The following RBFOX1 variants were observed in gnomAD, a reference collection of about 807,000 sequenced individuals.
RBFOX1 encodes RNA binding protein fox-1 homolog 1.
In RBFOX1, 8 loss-of-function variants were observed where a neutral mutation model predicts 57.7. The ratio of observed to expected loss-of-function variants is 0.14; its 90% CI spans 0.08 to 0.25. RBFOX1 has a LOEUF of 0.25. Ranked by LOEUF, RBFOX1 falls within the 10% of genes least tolerant of loss-of-function variation. RBFOX1 has a pLI of 1.00. For synonymous variants in RBFOX1, 326 were observed against 222.4 expected, an observed-to-expected ratio of 1.47 and a Z score of -4.15; for missense variants, 611 against 548.5, an observed-to-expected ratio of 1.11 and a Z score of -1.14.
chr16:6,903,570 C>T (rs774160891), intron 3 of RBFOX1, among the ~76,000 whole-genome samples: 4 of 152,082 alleles, frequency 2.6e-5, no homozygotes, highest in Non-Finnish European at 4.4e-5. Context: ...AAAGGTGCCC[C>T]GCAATCACTT....
chr16:5,898,922 G>T (rs1362026000), intron 4 of RBFOX1, among the ~76,000 whole-genome samples: 5 of 151,332 alleles, frequency 3.3e-5, no homozygotes, highest in African/African-American at 1.2e-4. Context: ...AAGTAGCCGG[G>T]TGTGGTGTCA....
At chr16:5,605,645 G>T (rs1312271843) in intron 3 of RBFOX1, among the ~76,000 whole-genome samples, 2 of 151,624 alleles carry the variant, frequency 1.3e-5, no homozygotes, top group Non-Finnish European at 2.9e-5. Context: ...TGCCATTGAT[G>T]AGTAAGTCTG....
intron 4 of RBFOX1, among the ~76,000 whole-genome samples, chr16:7,476,433 A>G (rs1034168469): frequency 3.9e-5 from 6 of 152,234 alleles, no homozygotes; most frequent in African/African-American, 7.2e-5. Context: ...CCTGACACGT[A>G]AAGATCACTT....
intron 3 of RBFOX1, among the ~76,000 whole-genome samples, chr16:5,763,410 C>A (rs564151701): frequency 8.5e-5 from 13 of 152,310 alleles, no homozygotes; most frequent in African/African-American, 3.1e-4. Context: ...TCGGGCTGGG[C>A]TGTGCAGACA....
At position 6,458,755 on chromosome 16, in the gene RBFOX1, C is replaced by T. The variant is rs111872306; in HGVS notation, c.-64+141698C>T. Among the ~76,000 whole-genome samples, 262 of 152,300 alleles carry T rather than the reference C, an allele frequency of 1.7e-3. 1 individual carries two copies. Among genetic ancestry groups the T allele is most frequent in the African/African-American group, 5.9e-3 (245 of 41,552 alleles). On this transcript the variant is annotated intron_variant, in intron 2 of 15. Transcript: ENST00000550418. ...ATGAAAAACGGTATCTGTGTTAAAG[C>T]AATTACAGATATACGACAGAGTTGC... is the stretch of plus-strand genomic sequence containing the variant.
intron 1 of RBFOX1, among the ~76,000 whole-genome samples, chr16:6,127,286 A>ATTT (rs2096596925): frequency 3.4e-5 from 5 of 147,430 alleles, no homozygotes; most frequent in South Asian, 2.1e-4. Context: ...TCTTTTTTTA[A>ATTT]AAAAAAAAAA....
chr16:7,596,508 T>G (rs1051260678), intron 8 of RBFOX1, among the ~76,000 whole-genome samples: 1 of 152,092 alleles, frequency 6.6e-6, no homozygotes, highest in Non-Finnish European at 1.5e-5. Context: ...TACAAACCCA[T>G]GCTGGCGATG....
At chr16:6,875,950 A>G (rs896361360) in intron 3 of RBFOX1, among the ~76,000 whole-genome samples, 9 of 152,112 alleles carry the variant, frequency 5.9e-5, no homozygotes, top group Non-Finnish European at 7.4e-5. Context: ...GTGAGCTGCA[A>G]TTATGTCACT....
At chr16:7,126,985 G>C (rs1226182705) in intron 4 of RBFOX1, among the ~76,000 whole-genome samples, 1 of 148,214 alleles carries the variant, frequency 6.7e-6, no homozygotes, top group Non-Finnish European at 1.5e-5. Context: ...CTGCAGCCTG[G>C]GCGTGACAGA....
intron 1 of RBFOX1, among the ~76,000 whole-genome samples, chr16:5,275,539 A>G (rs1373669833): frequency 6.6e-6 from 1 of 152,228 alleles, no homozygotes; most frequent in Non-Finnish European, 1.5e-5. Context: ...ATCATAGATG[A>G]CACAAACAAA....
At chr16:7,402,217 C>G (rs964521405) in intron 4 of RBFOX1, among the ~76,000 whole-genome samples, 2 of 152,082 alleles carry the variant, frequency 1.3e-5, no homozygotes, top group Non-Finnish European at 2.9e-5. Flanking sequence ...CTCACTGAGT[C>G]TTGTCTGAAG....
intron 2 of RBFOX1, among the ~76,000 whole-genome samples, chr16:5,503,118 C>G (rs1278144848): frequency 6.6e-6 from 1 of 152,148 alleles, no homozygotes; most frequent in Admixed American, 6.5e-5. Context: ...TGGAACCACA[C>G]CCCCAGGGTG....
At chr16:6,848,460 G>A (rs374233692) in intron 3 of RBFOX1, among the ~76,000 whole-genome samples, 3 of 152,100 alleles carry the variant, frequency 2.0e-5, no homozygotes, top group East Asian at 1.9e-4. Context: ...GCAGGCACCC[G>A]ATTGCCAGCC....
At chr16:7,222,525 C>G (rs939380260) in intron 4 of RBFOX1, among the ~76,000 whole-genome samples, 7 of 152,188 alleles carry the variant, frequency 4.6e-5, no homozygotes, top group African/African-American at 1.4e-4. Flanking sequence ...CTCTTGATAA[C>G]AGGACCCAGA....
chr16:7,170,534 G>C lies in RBFOX1; in HGVS notation c.27+118436G>C, dbSNP rs116015953. 6.3e-3 allele frequency among the ~76,000 whole-genome samples: 961 copies of C among 152,262 alleles called. 19 individuals are homozygous for C. The highest frequency in any genetic ancestry group is 0.022 in the African/African-American group (915 of 41,532). On this transcript the variant is annotated intron_variant, in intron 4 of 15. Transcript: ENST00000550418. ...CAAGTATGAGTAGATGGGATTGCAA[G>C]TGCGAGCCACCACTTCTGGCTAATT...
chr16:6,821,318 C>G (rs374502224), intron 3 of RBFOX1, among the ~76,000 whole-genome samples: 2 of 152,276 alleles, frequency 1.3e-5, no homozygotes, highest in East Asian at 3.9e-4. Flanking sequence ...CTAAGTTTTG[C>G]TACCTGACAT....
chr16:7,487,649 G>A (rs1020264286), intron 4 of RBFOX1, among the ~76,000 whole-genome samples: 2 of 152,006 alleles, frequency 1.3e-5, no homozygotes, highest in Non-Finnish European at 2.9e-5. Flanking sequence ...ATAGAAACAC[G>A]CACTGAGACC....
At chr16:7,635,102 G>T (rs950639356) in intron 11 of RBFOX1, among the ~76,000 whole-genome samples, 18 of 152,134 alleles carry the variant, frequency 1.2e-4, no homozygotes, top group African/African-American at 4.1e-4. Flanking sequence ...GCGCTGTTTT[G>T]CATATGGCGA....
At chr16:7,379,460 A>G (rs1338939377) in intron 4 of RBFOX1, among the ~76,000 whole-genome samples, 5 of 152,230 alleles carry the variant, frequency 3.3e-5, no homozygotes, top group Admixed American at 6.5e-5. Flanking sequence ...GGAGCTTTAT[A>G]TAAGAAGAAT....
Sources: allele counts gnomAD v4.1 joint callset (sites outside exome capture counted in the v4.1 genomes callset), GRCh38; gene constraint gnomAD v4.1.1; transcripts MANE v1.5; gene names NCBI Gene and HGNC (gene_info 2026-07-23, HGNC 2026-07-21).